TENM2: variants seen among roughly 807,000 people sequenced by gnomAD.
TENM2 encodes the protein teneurin transmembrane protein 2.
TENM2 carries 52 observed loss-of-function variants against 245.2 expected under a neutral mutation model. The ratio of observed to expected loss-of-function variants is 0.21; its 90% CI spans 0.17 to 0.27. The LOEUF (loss-of-function observed/expected upper bound fraction) is 0.27, where lower values mean the gene tolerates loss of function less well. Among genes scored for constraint, TENM2 ranks in the 10% least tolerant of loss-of-function variants. The pLI, the probability that TENM2 is intolerant of heterozygous loss-of-function variation, is 1.00. For synonymous variants in TENM2, 1,363 were observed against 1,438.9 expected, an observed-to-expected ratio of 0.95 and a Z score of 1.19; for missense variants, 3,046 against 3,666.8, an observed-to-expected ratio of 0.83 and a Z score of 4.37.
chr5:168,227,804 C>CTATT, intron 24 of TENM2, 91 bp from the exon 27 acceptor site: 1 of 822,520 alleles, frequency 1.2e-6, no homozygotes, highest in Non-Finnish European at 1.9e-6. Flanking sequence ...CCATGGAAAC[C>CTATT]TATTAAAAAA....
chr5:167,180,424 T>C, the TENM2 span, among the ~76,000 whole-genome samples: 2 of 152,190 alleles, frequency 1.3e-5, no homozygotes, highest in Non-Finnish European at 2.9e-5. Flanking sequence ...TTCTTGGCTA[T>C]TTCTTCATTC....
At chr5:167,294,766 T>TAA (rs1419220514) in intron 1 of TENM2, among the ~76,000 whole-genome samples, 2 of 152,222 alleles carry the variant, frequency 1.3e-5, no homozygotes, top group Admixed American at 6.5e-5. Context: ...GCCCCGTTTC[T>TAA]GCCTTCTGTC....
At chr5:168,134,139 A>T (rs1447034730) in intron 12 of TENM2, among the ~76,000 whole-genome samples, 3 of 152,000 alleles carry the variant, frequency 2.0e-5, no homozygotes, top group African/African-American at 7.2e-5. Context: ...TAGGCGACAG[A>T]GTGAGACTCT....
At position 167,950,404 on chromosome 5, in the gene TENM2, T is replaced by C. The variant is rs371181517; in HGVS notation, c.713-2184T>C. ...GGGTCTGGTATCTCATTTAGGGAAT[T>C]AAATCCTTTATATGGCCTCTTTGTA... On this transcript the variant is annotated intron_variant, in intron 3 of 28. Transcript: ENST00000518659. 3.9e-5 allele frequency among the ~76,000 whole-genome samples: 6 copies of C among 152,188 alleles called. No individual in the cohort carries two copies. In the East Asian group the frequency reaches 5.8e-4, roughly 15 times the overall value.
At chr5:167,479,018 G>A (rs1767586663) in intron 2 of TENM2, among the ~76,000 whole-genome samples, 1 of 150,272 alleles carries the variant, frequency 6.7e-6, no homozygotes, top group Non-Finnish European at 1.5e-5. Context: ...ACAGGTACAT[G>A]TGTTTATGTG....
intron 1 of TENM2, among the ~76,000 whole-genome samples, chr5:167,311,996 C>T (rs555473715): frequency 2.0e-5 from 3 of 152,122 alleles, no homozygotes; most frequent in Non-Finnish European, 4.4e-5. Context: ...ATGACTATCC[C>T]TTAAACCTCA....
chr5:168,027,184 T>G lies in TENM2; in HGVS notation c.1187-20243T>G, dbSNP rs75220004. ...GGAGAGCCAAGGTACCGTCACCCAC[T>G]GAGACTTGACTCCCGACCGAGGTAC... On this transcript the variant is annotated intron_variant, in intron 5 of 28. Coordinates refer to ENST00000518659, the Ensembl canonical transcript of TENM2. Among the ~76,000 whole-genome samples, 385 of 152,172 alleles carry G rather than the reference T, an allele frequency of 2.5e-3. 3 individuals carry two copies. The highest frequency in any genetic ancestry group is 8.8e-3 in the African/African-American group (365 of 41,522).
At chr5:168,168,881 G>C (rs1482921719) in intron 13 of TENM2, among the ~76,000 whole-genome samples, 1 of 152,012 alleles carries the variant, frequency 6.6e-6, no homozygotes, top group Admixed American at 6.6e-5. Context: ...CCATTCATTA[G>C]CTTATTCATT....
intron 2 of TENM2, among the ~76,000 whole-genome samples, chr5:167,456,715 C>T (rs573840553): frequency 2.3e-4 from 35 of 152,266 alleles, no homozygotes; most frequent in Non-Finnish European, 4.0e-4. Flanking sequence ...TTTCTAATTT[C>T]GACTTAATAT....
intron 26 of TENM2, among the ~76,000 whole-genome samples, chr5:168,246,235 CAA>C (rs111982569): frequency 4.6e-5 from 6 of 129,504 alleles, no homozygotes; most frequent in Non-Finnish European, 6.5e-5. Context: ...GACTCTGTTT[CAA>C]AAAAAAAAAA....
intron 2 of TENM2, among the ~76,000 whole-genome samples, chr5:167,833,739 T>C (rs1430528010): frequency 6.6e-6 from 1 of 152,226 alleles, no homozygotes; most frequent in African/African-American, 2.4e-5. Context: ...ATGTTGACGC[T>C]TCCTTTTTGC....
intron 10 of TENM2, among the ~76,000 whole-genome samples, chr5:168,121,161 A>G (rs1795442377): frequency 6.6e-6 from 1 of 152,108 alleles, no homozygotes; most frequent in Non-Finnish European, 1.5e-5. Flanking sequence ...TGCATTCACA[A>G]CCCTTTTTTG....
chr5:167,346,963 A>G (rs1344885679), intron 1 of TENM2, among the ~76,000 whole-genome samples: 1 of 151,946 alleles, frequency 6.6e-6, no homozygotes, highest in Non-Finnish European at 1.5e-5. Context: ...TTGTAGAGAC[A>G]GGGTCTTGCC....
In TENM2 at chr5:168,247,899, G is replaced by A; in HGVS notation, c.6960G>A (p.Gln2320=). The change falls in exon 27 of 29, where the codon CAG becomes CAA. Residue 2320 remains glutamine (Q), a synonymous_variant. Coordinates refer to ENST00000518659, the Ensembl canonical transcript of TENM2. The surrounding 1 kb of genome is among the most constrained non-coding windows in gnomAD (Gnocchi z 7.8). The stretch of plus-strand genomic sequence containing the variant: ...AGACCAACCTGGGCCACCACCTGCA[G>A]TACTTCTACTCTGACCTCCACAACC... The A allele has an allele frequency of 6.2e-7, 1 of 1,613,986 alleles. No homozygotes were observed. Among genetic ancestry groups the A allele is most frequent in the Non-Finnish European group, 8.5e-7 (1 of 1,179,888 alleles).
At chr5:167,584,874 T>C (rs1468532121) in intron 2 of TENM2, among the ~76,000 whole-genome samples, 2 of 150,716 alleles carry the variant, frequency 1.3e-5, no homozygotes, top group Admixed American at 6.6e-5. Context: ...TTTATATTTT[T>C]AGTAGATTTG....
At chr5:167,047,563 A>T in the TENM2 span, among the ~76,000 whole-genome samples, 10 of 152,232 alleles carry the variant, frequency 6.6e-5, no homozygotes, top group African/African-American at 2.4e-4. Context: ...AAATCAATTA[A>T]AGGCAGGTAT....
At chr5:167,375,848 G>T (rs967086727) in intron 2 of TENM2, among the ~76,000 whole-genome samples, 1 of 151,996 alleles carries the variant, frequency 6.6e-6, no homozygotes, top group African/African-American at 2.4e-5. Context: ...GGAAACCTGG[G>T]TTATTTTTTT....
chr5:167,061,535 C>T, the TENM2 span, among the ~76,000 whole-genome samples: 1 of 152,212 alleles, frequency 6.6e-6, no homozygotes, highest in African/African-American at 2.4e-5. Flanking sequence ...ATATTTCCTG[C>T]GTGGGTTTGG....
chr5:167,541,207 A>G (rs1772190572), intron 2 of TENM2, among the ~76,000 whole-genome samples: 1 of 152,198 alleles, frequency 6.6e-6, no homozygotes, highest in Admixed American at 6.5e-5. Context: ...GCAAAAATGT[A>G]TTGTTAATGC....
Sources: gnomAD v4.1 joint callset for allele counts (sites outside exome capture counted in the v4.1 genomes callset) on GRCh38, gnomAD v4.1.1 for gene constraint, Gnocchi (gnomAD v3.1) non-coding constraint, MANE v1.5 for transcripts, NCBI Gene and HGNC (gene_info 2026-07-23, HGNC 2026-07-21) for gene names.